GPX4: variants seen among roughly 807,000 people sequenced by gnomAD.
GPX4 encodes the protein glutathione peroxidase 4.
Under a neutral mutation model 27.8 loss-of-function variants are expected in GPX4, and 28 were observed. The ratio of observed to expected loss-of-function variants is 1.01; its 90% CI spans 0.75 to 1.38. The LOEUF (loss-of-function observed/expected upper bound fraction) is 1.38, where lower values mean the gene tolerates loss of function less well. GPX4 is among the 40% of genes most tolerant of loss of function. GPX4 has a pLI of 0.00. For missense variants in GPX4, 357 were observed against 274.1 expected (o/e 1.30, Z -2.14); for synonymous variants, 163 against 107.8 (o/e 1.51, Z -3.17).
At chr19:1,104,813 C>T in intron 1 of GPX4, 1 of 1,010,090 alleles carries the variant, frequency 9.9e-7, no homozygotes, top group Non-Finnish European at 1.2e-6. Flanking sequence ...GCCGCGAGCC[C>T]CTCGGCGGCG....
Position 1,105,785 on chromosome 19 carries a change from C to G in GPX4, c.452C>G (p.Pro151Arg), listed in dbSNP as rs1279602370. Residue 151 changes from proline (P) to arginine (R), a missense_variant, in exon 4 of 7, where the codon CCC (proline) becomes CGC (arginine). By Grantham distance (103) the Pro-to-Arg change is moderately radical. Coordinates refer to ENST00000354171, the MANE Select transcript of GPX4 (RefSeq NM_002085.5). Reference protein sequence around the residue: ...HPLWKWMKIQPKGKGILGNAI... With the variant: ...HPLWKWMKIQRKGKGILGNAI... ...CTGTGGAAGTGGATGAAGATCCAAC[C>G]CAAGGGCAAGGGCATCCTGGGAAAG... The G allele has an allele frequency of 1.3e-6, 2 of 1,577,916 alleles. No individual in the cohort carries two copies. Among genetic ancestry groups the G allele is most frequent in the African/African-American group, 2.7e-5 (2 of 73,862 alleles).
At chr19:1,104,185 C>A in intron 1 of GPX4, 58 bp downstream of exon 1, 1 of 1,325,558 alleles carries the variant, frequency 7.5e-7, no homozygotes, top group South Asian at 1.7e-5. Flanking sequence ...GCGCGCGATC[C>A]CTGCCTCCGC....
chr19:1,105,004 C>G lies in GPX4; in HGVS notation c.85-182C>G, dbSNP rs1052827012. 4 of 1,461,284 alleles carry G rather than the reference C, an allele frequency of 2.7e-6. No homozygotes were observed. The African/African-American group carries it at 5.7e-5, about 21-fold the overall frequency. 90.5% of individuals were successfully genotyped at this position (1,461,284 alleles called of 1,614,324 possible). On this transcript the variant is annotated intron_variant, in intron 1 of 6. Coordinates refer to ENST00000354171, the MANE Select transcript of GPX4 (RefSeq NM_002085.5). ...AACCCTCTCCCGGCCTCCGGGTCTC[C>G]GGTAAAACCGGACCAGAAGTACAAG...
intron 1 of GPX4, chr19:1,104,743 C>T: frequency 2.0e-6 from 2 of 985,516 alleles, no homozygotes; most frequent in African/African-American, 1.7e-5. Flanking sequence ...GTATGGGCCG[C>T]GCGGGCGCAG....
intron 1 of GPX4, 27 bp downstream of exon 1, chr19:1,104,154 G>A: frequency 1.3e-5 from 18 of 1,434,622 alleles, no homozygotes; most frequent in Non-Finnish European, 1.6e-5. Flanking sequence ...GCCGTTGCCG[G>A]CCCGGTGACC....
At position 1,105,857 on chromosome 19, in the gene GPX4, G is replaced by T. The variant is rs773132188; in HGVS notation, c.476+48G>T. Reference sequence around the variant, plus strand: ...ACGGCTGCTGGGGTGGGGGTGGGGGGGCTGCTGGGATGCTCACACCTCCCT... The same window carrying T: ...ACGGCTGCTGGGGTGGGGGTGGGGGTGCTGCTGGGATGCTCACACCTCCCT... On this transcript the variant is annotated intron_variant, in intron 4 of 6. Coordinates refer to ENST00000354171, the MANE Select transcript of GPX4 (RefSeq NM_002085.5). 4 of 1,025,480 alleles carry T rather than the reference G, an allele frequency of 3.9e-6. No individual in the cohort carries two copies. The South Asian group carries it at 4.1e-5, about 11-fold the overall frequency. 63.5% of individuals were successfully genotyped at this position (1,025,480 alleles called of 1,614,324 possible). A position where few individuals can be genotyped will look rare whatever the true frequency, so the allele number is the denominator to read the frequency against.
In GPX4 at chr19:1,105,386, C is replaced by G. The variant is rs201903291; in HGVS notation, c.200C>G (p.Thr67Ser). 113 of 1,610,530 alleles carry G rather than the reference C, an allele frequency of 7.0e-5. No homozygotes were observed. In the African/African-American group the frequency reaches 1.3e-3, roughly 19 times the overall value. The change falls in exon 3 of 7, where the codon ACC (threonine) becomes AGC (serine). Residue 67 changes from threonine (T) to serine (S), a missense_variant. Physicochemically the swap from Thr to Ser is moderately conservative, Grantham distance 58. Transcript: ENST00000354171. ...DKYRGFVCIV[T>S]NVASQUGKTE... is the part of the protein sequence containing the mutation. The stretch of plus-strand genomic sequence containing the variant: ...CGCAGGGGCTTCGTGTGCATCGTCA[C>G]CAACGTGGCCTCCCAGTGAGGCAAG...
rs1418733799 is a variant in GPX4 at position 1,105,745 on chromosome 19, G to T, written c.412G>T (p.Asp138Tyr). ...GTTCAGCAAGATCTGCGTGAACGGGGACGACGCCCACCCGCTGTGGAAGTG... is the reference window on the plus strand; with the variant it reads ...GTTCAGCAAGATCTGCGTGAACGGGTACGACGCCCACCCGCTGTGGAAGTG... ...DMFSKICVNGDDAHPLWKWMK... is the reference protein window; with the variant it reads ...DMFSKICVNGYDAHPLWKWMK... Residue 138 changes from aspartate (D) to tyrosine (Y), a missense_variant, in exon 4 of 7, where the codon GAC (aspartate) becomes TAC (tyrosine). Asp to Tyr is a radical substitution (Grantham distance 160). Coordinates refer to ENST00000354171, the MANE Select transcript of GPX4 (RefSeq NM_002085.5). 3 of 1,599,732 alleles carry T rather than the reference G, an allele frequency of 1.9e-6. No homozygotes were observed. The South Asian group carries it at 3.4e-5, about 18-fold the overall frequency.
At chr19:1,105,585 C>T (rs2079639751) in intron 3 of GPX4, 73 bp from the exon 4 acceptor site, 2 of 1,601,150 alleles carry the variant, frequency 1.2e-6, no homozygotes, top group Non-Finnish European at 1.7e-6. Flanking sequence ...TGGAGAGGGC[C>T]TGGGAGTGTG....
At position 1,106,407 on chromosome 19, in the gene GPX4, T is replaced by C; in HGVS notation, c.509T>C (p.Ile170Thr). Residue 170 changes from isoleucine (I) to threonine (T), a missense_variant, in exon 6 of 7, where the codon ATC (isoleucine) becomes ACC (threonine). By Grantham distance (89) the Ile-to-Thr change is moderately conservative. Coordinates refer to ENST00000354171, the MANE Select transcript of GPX4 (RefSeq NM_002085.5). ...GACACCGTCTCTCCACAGTTCCTCA[T>C]CGACAAGAACGGCTGCGTGGTGAAG... ...AIKWNFTKFL[I>T]DKNGCVVKRY... 6.2e-7 allele frequency: 1 copy of C among 1,613,460 alleles called. No homozygotes were observed. Among genetic ancestry groups the C allele is most frequent in the Non-Finnish European group, 8.5e-7 (1 of 1,179,912 alleles).
At chr19:1,105,608 A>G (rs1453328004) in intron 3 of GPX4, 50 bp from the exon 4 acceptor site, 1 of 1,600,226 alleles carries the variant, frequency 6.2e-7, no homozygotes. Context: ...GGGGGCCCGG[A>G]CTGAGGGGGT....
In GPX4 at chr19:1,105,215, G is replaced by A; in HGVS notation, c.114G>A (p.Ala38=). Residue 38 remains alanine, a synonymous_variant, in exon 2 of 7, where the codon GCG becomes GCA. Transcript: ENST00000354171. ...MCASRDDWRC[A]RSMHEFSAKD... is the part of the protein sequence containing the mutation. The stretch of plus-strand genomic sequence containing the variant: ...CGTCCCGGGACGACTGGCGCTGTGC[G>A]CGCTCCATGCACGAGTTTTCCGCCA... 6.2e-7 allele frequency: 1 copy of A among 1,613,006 alleles called. No individual in the cohort carries two copies. The highest frequency in any genetic ancestry group is 1.1e-5 in the South Asian group (1 of 91,082).
intron 4 of GPX4, 42 bp downstream of exon 4, chr19:1,105,851 T>A (rs1336259165): frequency 4.7e-6 from 1 of 211,452 alleles, no homozygotes; most frequent in Non-Finnish European, 7.4e-6. Context: ...GGGGTGGGGG[T>A]GGGGGGGCTG....
intron 1 of GPX4, 65 bp downstream of exon 1, chr19:1,104,192 C>T: frequency 1.5e-6 from 2 of 1,305,736 alleles, no homozygotes; most frequent in East Asian, 6.2e-5. Flanking sequence ...ATCCCTGCCT[C>T]CGCTCGCCGG....
At position 1,105,715 on chromosome 19, in the gene GPX4, G is replaced by C; in HGVS notation, c.382G>C (p.Asp128His). 1 of 1,610,722 alleles carries C rather than the reference G, an allele frequency of 6.2e-7. No individual in the cohort carries two copies. Among genetic ancestry groups the C allele is most frequent in the East Asian group, 2.2e-5 (1 of 44,758 alleles). ...CGCCGCGGGCTACAACGTCAAATTCGATATGTTCAGCAAGATCTGCGTGAA... is the reference window on the plus strand; with the variant it reads ...CGCCGCGGGCTACAACGTCAAATTCCATATGTTCAGCAAGATCTGCGTGAA... ...EFAAGYNVKF[D>H]MFSKICVNGD... is the part of the protein sequence containing the mutation. The change falls in exon 4 of 7, where the codon GAT becomes CAT. Residue 128 changes from aspartate to histidine, a missense_variant. Physicochemically the swap from Asp to His is moderately conservative, Grantham distance 81. Transcript: ENST00000354171.
chr19:1,105,444 G>C lies in GPX4; in HGVS notation c.258G>C (p.Leu86=), dbSNP rs772104779. ...TAAACTACACTCAGCTCGTCGACCT[G>C]CACGCCCGATACGCTGAGTGTGGTT... ...TEVNYTQLVD[L]HARYAECGLR... The change falls in exon 3 of 7, where the codon CTG becomes CTC. Residue 86 remains leucine (L), a synonymous_variant. Transcript: ENST00000354171. 2.5e-6 allele frequency: 4 copies of C among 1,612,636 alleles called. No individual in the cohort carries two copies. Among genetic ancestry groups the C allele is most frequent in the Non-Finnish European group, 3.4e-6 (4 of 1,179,780 alleles).
intron 5 of GPX4, 35 bp from the exon 6 acceptor site, chr19:1,106,365 G>C (rs775503308): frequency 6.2e-7 from 1 of 1,613,254 alleles, no homozygotes; most frequent in Admixed American, 1.7e-5. Flanking sequence ...CCCTTGCAGG[G>C]GTGGCCCCAC....
intron 4 of GPX4, 160 bp downstream of exon 4, chr19:1,105,969 T>C: frequency 1.1e-6 from 1 of 874,464 alleles, no homozygotes; most frequent in South Asian, 1.7e-5. Flanking sequence ...GTAAGATGGC[T>C]CAGGGGGACA....
At position 1,104,089 on chromosome 19, in the gene GPX4, T is replaced by A. The variant is rs1291969518; in HGVS notation, c.46T>A (p.Cys16Ser). 1 of 1,512,844 alleles carries A rather than the reference T, an allele frequency of 6.6e-7. No homozygotes were observed. The highest frequency in any genetic ancestry group is 8.8e-7 in the Non-Finnish European group (1 of 1,137,480). The allele number at this position is 1,512,844 out of a possible 1,614,324, so 93.7% of individuals were successfully genotyped here. Residue 16 changes from cysteine (C) to serine (S), a missense_variant, in exon 1 of 7, where the codon TGT becomes AGT. By Grantham distance (112) the Cys-to-Ser change is moderately radical. Coordinates refer to ENST00000354171, the MANE Select transcript of GPX4 (RefSeq NM_002085.5). Reference protein sequence around the residue: ...LCRLLKPALLCGALAAPGLAG... With the variant: ...LCRLLKPALLSGALAAPGLAG... ...CCGCCTACTGAAGCCGGCGCTGCTC[T>A]GTGGGGCTCTGGCCGCGCCTGGCCT...
Sources: allele counts gnomAD v4.1 joint callset, GRCh38; gene constraint gnomAD v4.1.1; transcripts MANE v1.5; gene names NCBI Gene and HGNC (gene_info 2026-07-23, HGNC 2026-07-21).